The following BPHL variants were observed in gnomAD, a reference collection of about 807,000 sequenced individuals.
The protein encoded by BPHL is serine hydrolase BPHL.
In BPHL, 27 loss-of-function variants were observed where a neutral mutation model predicts 31.2. The observed-to-expected ratio is 0.87, with a 90% CI of 0.64 to 1.19. BPHL has a LOEUF of 1.19. Among genes scored for constraint, BPHL ranks in the 50% most tolerant of loss-of-function variants. The probability of loss-of-function intolerance (pLI) is 0.00; values close to 1 mark genes in which losing one functional copy is unlikely to be tolerated. For missense variants in BPHL, 356 were observed against 375.7 expected (o/e 0.95, Z 0.43); for synonymous variants, 150 against 146.8 (o/e 1.02, Z -0.16).
chr6:3,131,310 A>G (rs1484129768), intron 4 of BPHL, among the ~76,000 whole-genome samples: 2 of 151,666 alleles, frequency 1.3e-5, no homozygotes, highest in Non-Finnish European at 2.9e-5. Flanking sequence ...GTTCTTTCCC[A>G]TAATCACTAT....
chr6:3,152,106 C>T (rs1762539847), intron 6 of BPHL, among the ~76,000 whole-genome samples: 2 of 152,232 alleles, frequency 1.3e-5, no homozygotes, highest in South Asian at 2.1e-4. Flanking sequence ...TTATTTTTAT[C>T]TTCTTACCAA....
At chr6:3,134,992 C>T (rs1052692406) in intron 4 of BPHL, among the ~76,000 whole-genome samples, 1 of 152,214 alleles carries the variant, frequency 6.6e-6, no homozygotes, top group Non-Finnish European at 1.5e-5. Context: ...CCACCTCAAC[C>T]TTCCGAAGTG....
intron 4 of BPHL, among the ~76,000 whole-genome samples, chr6:3,132,398 A>G (rs1761898777): frequency 6.6e-6 from 1 of 152,242 alleles, no homozygotes; most frequent in South Asian, 2.1e-4. Flanking sequence ...TGTGGGCCAC[A>G]GTGTTGGGGT....
chr6:3,124,381 G>A lies in BPHL; in HGVS notation c.211+621G>A, dbSNP rs569574285. Among the ~76,000 whole-genome samples, 256 of 152,180 alleles carry A rather than the reference G, an allele frequency of 1.7e-3. 2 individuals carry two copies. The highest frequency in any genetic ancestry group is 6.0e-3 in the African/African-American group (248 of 41,510). On this transcript the variant is annotated intron_variant, in intron 2 of 6. Coordinates refer to ENST00000380379, the MANE Select transcript of BPHL (RefSeq NM_004332.4). ...AATTTGCAGTGATTCCAGTACATCC[G>A]AAATCTGGTTTTAAGGGTGTTAGTA...
chr6:3,145,576 G>C (rs1309097908), intron 6 of BPHL, among the ~76,000 whole-genome samples: 2 of 63,346 alleles, frequency 3.2e-5, no homozygotes, highest in African/African-American at 1.1e-4. Flanking sequence ...GTGCTGGTGT[G>C]GGTCGGAGTG....
At chr6:3,135,748 A>G (rs1762003647) in intron 4 of BPHL, among the ~76,000 whole-genome samples, 1 of 152,282 alleles carries the variant, frequency 6.6e-6, no homozygotes, top group South Asian at 2.1e-4. Context: ...TATTAACTTT[A>G]TAAAAATCCT....
chr6:3,137,286 C>T, intron 4 of BPHL, 76 bp from the exon 5 acceptor site: 1 of 1,542,868 alleles, frequency 6.5e-7, no homozygotes, highest in Non-Finnish European at 8.8e-7. Flanking sequence ...TCAGAAGTGG[C>T]TCTTGCTCAG....
chr6:3,133,881 A>G (rs1348990428), intron 4 of BPHL, among the ~76,000 whole-genome samples: 2 of 152,196 alleles, frequency 1.3e-5, no homozygotes, highest in African/African-American at 4.8e-5. Flanking sequence ...GGGCAGGTAG[A>G]CTACATTACA....
intron 1 of BPHL, chr6:3,119,305 A>G: frequency 6.5e-7 from 1 of 1,546,896 alleles, no homozygotes; most frequent in Non-Finnish European, 8.7e-7. Flanking sequence ...GAGCCTGAGT[A>G]CCGCTAAGGC....
In BPHL at chr6:3,147,237, G is replaced by A. The variant is rs191792264; in HGVS notation, c.789-5251G>A. On this transcript the variant is annotated intron_variant, in intron 6 of 6. Coordinates refer to ENST00000380379, the MANE Select transcript of BPHL (RefSeq NM_004332.4). ...GATCATGCCACAGCGCTCCAGCCTGGGTGTAGGAATGAGACCCCACCTGAA... is the reference window on the plus strand; with the variant it reads ...GATCATGCCACAGCGCTCCAGCCTGAGTGTAGGAATGAGACCCCACCTGAA... Among the ~76,000 whole-genome samples, 21 of 152,034 alleles carry A rather than the reference G, an allele frequency of 1.4e-4. 1 individual carries two copies. The East Asian group carries it at 2.9e-3, about 21-fold the overall frequency.
chr6:3,118,942 G>A, intron 1 of BPHL, 95 bp downstream of exon 1: 2 of 1,049,028 alleles, frequency 1.9e-6, no homozygotes, highest in Non-Finnish European at 2.4e-6. Context: ...TTCCCGGCGC[G>A]CGGGCACGGG....
intron 3 of BPHL, 148 bp from the exon 4 acceptor site, chr6:3,128,897 C>A: frequency 8.4e-7 from 1 of 1,187,166 alleles, no homozygotes; most frequent in Non-Finnish European, 1.2e-6. Flanking sequence ...AACATGATGT[C>A]ATCAAATGGT....
chr6:3,146,115 G>A (rs1581486544), intron 6 of BPHL, among the ~76,000 whole-genome samples: 1 of 58,802 alleles, frequency 1.7e-5, no homozygotes, highest in South Asian at 4.7e-4. Context: ...TCCGGTTGGA[G>A]TGCTGGTTCG....
intron 3 of BPHL, among the ~76,000 whole-genome samples, chr6:3,128,067 C>T (rs888218286): frequency 3.0e-4 from 46 of 152,220 alleles, no homozygotes; most frequent in African/African-American, 1.0e-3. Flanking sequence ...GATCCACCCA[C>T]CTTGGCCTCC....
intron 2 of BPHL, chr6:3,124,239 A>G (rs1761656615): frequency 6.6e-6 from 1 of 152,314 alleles, no homozygotes; most frequent in Admixed American, 6.5e-5. Flanking sequence ...TTCTTTTTAG[A>G]AATCAGAGTT....
intron 6 of BPHL, among the ~76,000 whole-genome samples, chr6:3,145,134 G>A (rs62391673): frequency 0.58 from 65,358 of 112,794 alleles, 19,606 homozygotes; most frequent in Non-Finnish European, 0.65. Context: ...GGTGTGGGTC[G>A]GAGTGCTGGT....
At chr6:3,136,079 C>T (rs1048361982) in intron 4 of BPHL, among the ~76,000 whole-genome samples, 2 of 152,202 alleles carry the variant, frequency 1.3e-5, no homozygotes, top group African/African-American at 2.4e-5. Flanking sequence ...ACTCACACCC[C>T]GGTTTCCATT....
In BPHL at chr6:3,137,416, T is replaced by G; in HGVS notation, c.587T>G (p.Leu196Arg). Residue 196 changes from leucine (L) to arginine (R), a missense_variant, in exon 5 of 7, where the codon CTC (leucine) becomes CGC (arginine). Leu to Arg is a moderately radical substitution (Grantham distance 102). Coordinates refer to ENST00000380379, the MANE Select transcript of BPHL (RefSeq NM_004332.4). Reference protein sequence around the residue: ...SERTRKPLEALYGYDYFARTC... With the variant: ...SERTRKPLEARYGYDYFARTC... ...AGAACAAGAAAGCCTCTAGAAGCCC[T>G]CTATGGGTATGACTACTTTGCCAGA... 1.2e-6 allele frequency: 2 copies of G among 1,612,900 alleles called. No homozygotes were observed. The highest frequency in any genetic ancestry group is 8.5e-7 in the Non-Finnish European group (1 of 1,179,836).
At chr6:3,144,979 G>A (rs1189954563) in intron 6 of BPHL, among the ~76,000 whole-genome samples, 1 of 152,230 alleles carries the variant, frequency 6.6e-6, no homozygotes, top group African/African-American at 2.4e-5. Flanking sequence ...CAACTAAAGG[G>A]GAGGGAGAGG....
Sources: gnomAD v4.1 joint callset for allele counts (sites outside exome capture counted in the v4.1 genomes callset) on GRCh38, gnomAD v4.1.1 for gene constraint, MANE v1.5 for transcripts, NCBI Gene and HGNC (gene_info 2026-07-23, HGNC 2026-07-21) for gene names.